Variants in CCSER1 observed in about 807,000 individuals in gnomAD.
The protein encoded by CCSER1 is serine-rich coiled-coil domain-containing protein 1.
In CCSER1, 41 loss-of-function variants were observed where a neutral mutation model predicts 82.0. The ratio of observed to expected loss-of-function variants is 0.50; its 90% CI spans 0.39 to 0.65. The LOEUF (loss-of-function observed/expected upper bound fraction) is 0.65, where lower values mean the gene tolerates loss of function less well. Ranked by LOEUF, CCSER1 falls within the 30% of genes least tolerant of loss-of-function variation. The pLI, the probability that CCSER1 is intolerant of heterozygous loss-of-function variation, is 0.00. For missense variants in CCSER1, 1,119 were observed against 1,064.2 expected (o/e 1.05, Z -0.72); for synonymous variants, 414 against 383.9 (o/e 1.08, Z -0.92).
intron 6 of CCSER1, among the ~76,000 whole-genome samples, chr4:90,723,507 TAGA>T (rs1193571569): frequency 1.3e-5 from 2 of 151,860 alleles, no homozygotes; most frequent in Non-Finnish European, 2.9e-5. Context: ...TAAATCTTTA[TAGA>T]AGAAAAACTG....
intron 5 of CCSER1, among the ~76,000 whole-genome samples, chr4:90,610,989 T>C (rs935237452): frequency 6.6e-6 from 1 of 151,578 alleles, no homozygotes; most frequent in Non-Finnish European, 1.5e-5. Flanking sequence ...GCAATTCTCC[T>C]GCCTCAGCCT....
chr4:90,947,447 A>G (rs1010511562), intron 9 of CCSER1, among the ~76,000 whole-genome samples: 1 of 152,204 alleles, frequency 6.6e-6, no homozygotes, highest in African/African-American at 2.4e-5. Flanking sequence ...TGACATAAAC[A>G]TTATTTACAC....
chr4:90,885,237 G>A (rs1721947247), intron 8 of CCSER1, among the ~76,000 whole-genome samples: 1 of 152,144 alleles, frequency 6.6e-6, no homozygotes, highest in African/African-American at 2.4e-5. Flanking sequence ...AGTATTCTCA[G>A]TAATACATTA....
chr4:91,318,138 C>T (rs1318963438), intron 10 of CCSER1, among the ~76,000 whole-genome samples: 1 of 151,730 alleles, frequency 6.6e-6, no homozygotes, highest in Non-Finnish European at 1.5e-5. Context: ...TTATGGAGTA[C>T]TCTGTATGGA....
intron 9 of CCSER1, among the ~76,000 whole-genome samples, chr4:91,055,625 A>G (rs1018479967): frequency 1.3e-5 from 2 of 152,038 alleles, no homozygotes; most frequent in South Asian, 2.1e-4. Flanking sequence ...TGTGTGCTTG[A>G]GTTCATCTTA....
intron 10 of CCSER1, among the ~76,000 whole-genome samples, chr4:91,546,912 A>C (rs1761918516): frequency 6.7e-6 from 1 of 150,224 alleles, no homozygotes; most frequent in African/African-American, 2.4e-5. Context: ...ACAAATTTTG[A>C]TGAGTAGTAT....
At chr4:91,232,645 T>C (rs1738709726) in intron 10 of CCSER1, among the ~76,000 whole-genome samples, 2 of 151,820 alleles carry the variant, frequency 1.3e-5, no homozygotes, top group African/African-American at 4.8e-5. Context: ...ATATCACATA[T>C]ATACAATGTA....
intron 9 of CCSER1, among the ~76,000 whole-genome samples, chr4:90,946,191 CTTTAAT>C (rs1395006914): frequency 3.3e-5 from 5 of 152,126 alleles, no homozygotes; most frequent in South Asian, 2.1e-4. Context: ...ATACAAGATA[CTTTAAT>C]TTTAAGTCCT....
chr4:91,167,264 G>A (rs1230450660), intron 10 of CCSER1, among the ~76,000 whole-genome samples: 8 of 139,560 alleles, frequency 5.7e-5, no homozygotes, highest in South Asian at 2.2e-4. Context: ...TCGGCTCACT[G>A]TAACCTTTGC....
chr4:91,438,721 G>C (rs1754869259), intron 10 of CCSER1, among the ~76,000 whole-genome samples: 1 of 48,238 alleles, frequency 2.1e-5, no homozygotes, highest in Non-Finnish European at 4.1e-5. Context: ...AGACAAAGAA[G>C]TAAAACTTTC....
chr4:91,057,348 A>G (rs768117452), intron 9 of CCSER1, among the ~76,000 whole-genome samples: 1 of 152,130 alleles, frequency 6.6e-6, no homozygotes, highest in East Asian at 1.9e-4. Flanking sequence ...AGATTCTCTC[A>G]GTGTAATTGT....
At chr4:91,266,486 C>T (rs1186533744) in intron 10 of CCSER1, among the ~76,000 whole-genome samples, 9 of 152,052 alleles carry the variant, frequency 5.9e-5, no homozygotes, top group South Asian at 4.2e-4. Context: ...CTCCTGATGT[C>T]GTGATCTGCC....
chr4:90,761,912 A>G (rs1053538649), intron 7 of CCSER1, among the ~76,000 whole-genome samples: 1 of 152,146 alleles, frequency 6.6e-6, no homozygotes, highest in Non-Finnish European at 1.5e-5. Flanking sequence ...GCCATTTCTT[A>G]AGGAGGCTGA....
chr4:90,503,908 T>C (rs544327057), intron 5 of CCSER1, among the ~76,000 whole-genome samples: 12 of 152,260 alleles, frequency 7.9e-5, no homozygotes, highest in African/African-American at 2.9e-4. Context: ...TTTTGACTTA[T>C]CGTATACTTT....
At chr4:90,908,868 G>T (rs1347343272) in intron 8 of CCSER1, among the ~76,000 whole-genome samples, 3 of 152,162 alleles carry the variant, frequency 2.0e-5, no homozygotes, top group African/African-American at 7.2e-5. Context: ...AGGTATGGAT[G>T]AAGACAGGAA....
chr4:90,617,266 A>G (rs1721464079), intron 5 of CCSER1, among the ~76,000 whole-genome samples: 1 of 152,062 alleles, frequency 6.6e-6, no homozygotes, highest in Admixed American at 6.6e-5. Context: ...CTAAATGGGC[A>G]GTTATCTCTG....
chr4:90,599,305 G>A (rs1411130097), intron 5 of CCSER1, among the ~76,000 whole-genome samples: 1 of 151,988 alleles, frequency 6.6e-6, no homozygotes, highest in Non-Finnish European at 1.5e-5. Context: ...GATAGTGAGG[G>A]AGTTCTCACG....
At chr4:91,436,155 A>AC (rs1417149116) in intron 10 of CCSER1, among the ~76,000 whole-genome samples, 1 of 152,196 alleles carries the variant, frequency 6.6e-6, no homozygotes. Flanking sequence ...AACCACAATT[A>AC]CTTTTGCACC....
chr4:90,246,899 AC>A (rs1408542674), intron 1 of CCSER1, among the ~76,000 whole-genome samples: 1 of 151,736 alleles, frequency 6.6e-6, no homozygotes, highest in East Asian at 1.9e-4. Flanking sequence ...GAGAACTTTC[AC>A]CTTTTCACTT....
Sources: allele counts gnomAD v4.1 joint callset (sites outside exome capture counted in the v4.1 genomes callset), GRCh38; gene constraint gnomAD v4.1.1; transcripts MANE v1.5; gene names NCBI Gene and HGNC (gene_info 2026-07-23, HGNC 2026-07-21).